The following NPNT variants were observed in gnomAD, a reference collection of about 807,000 sequenced individuals.
The protein encoded by NPNT is nephronectin.
NPNT carries 45 observed loss-of-function variants against 68.6 expected under a neutral mutation model. The observed-to-expected ratio is 0.66, with a 90% confidence interval of 0.52 to 0.84. The LOEUF (loss-of-function observed/expected upper bound fraction) is 0.84, where lower values mean the gene tolerates loss of function less well. Among genes scored for constraint, NPNT ranks in the 40% least tolerant of loss-of-function variants. The probability of loss-of-function intolerance (pLI) is 0.00; values close to 1 mark genes in which losing one functional copy is unlikely to be tolerated. For synonymous variants in NPNT, 233 were observed against 253.3 expected (o/e 0.92, Z 0.76); for missense variants, 672 against 714.8 (o/e 0.94, Z 0.68).
chr4:105,960,644 C>G (rs1051165857), intron 10 of NPNT, among the ~76,000 whole-genome samples: 1 of 152,150 alleles, frequency 6.6e-6, no homozygotes, highest in African/African-American at 2.4e-5. Context: ...GCCTCACACA[C>G]AGTACTCTCA....
chr4:105,948,362 T>C (rs903475095), intron 8 of NPNT, among the ~76,000 whole-genome samples: 5 of 152,202 alleles, frequency 3.3e-5, no homozygotes, highest in African/African-American at 1.2e-4. Context: ...TACATGACTT[T>C]GGACTAGTAT....
rs971776441 is a variant in NPNT, at chr4:105,971,247, A to G, written c.*2257A>G. On this transcript the variant is annotated 3_prime_UTR_variant, in exon 12 of 12. Transcript: ENST00000379987. ...CGGCAGACCTTTCCTTCACCTCATCAGTATGATTCAGTTTCTCTTATCAAT... is the reference window on the plus strand; with the variant it reads ...CGGCAGACCTTTCCTTCACCTCATCGGTATGATTCAGTTTCTCTTATCAAT... The G allele has an allele frequency of 1.2e-5, 5 of 423,784 alleles. No homozygotes were observed. The highest frequency in any genetic ancestry group is 1.9e-5 in the Non-Finnish European group (4 of 207,084). The allele number at this position is 423,784 out of a possible 1,614,324, so 26.3% of individuals were successfully genotyped here. A position where few individuals can be genotyped will look rare whatever the true frequency, so the allele number is the denominator to read the frequency against.
intron 2 of NPNT, among the ~76,000 whole-genome samples, chr4:105,900,878 CTCTT>C (rs1011724623): frequency 1.5e-5 from 2 of 129,734 alleles, no homozygotes; most frequent in Non-Finnish European, 3.2e-5. Flanking sequence ...GTGTTCTTGA[CTCTT>C]AAACAGATCT....
chr4:105,913,866 A>G (rs971633651), intron 2 of NPNT, among the ~76,000 whole-genome samples: 12 of 152,128 alleles, frequency 7.9e-5, no homozygotes, highest in African/African-American at 2.9e-4. Context: ...TGGTTGTCTA[A>G]CAGTGTTTGT....
chr4:105,944,563 A>G (rs1487417505), intron 8 of NPNT, among the ~76,000 whole-genome samples: 1 of 152,216 alleles, frequency 6.6e-6, no homozygotes, highest in Non-Finnish European at 1.5e-5. Flanking sequence ...AAGTTCACCA[A>G]TAAAATTTAG....
intron 8 of NPNT, among the ~76,000 whole-genome samples, chr4:105,950,495 C>T (rs1457892066): frequency 9.9e-5 from 15 of 152,024 alleles, no homozygotes; most frequent in Non-Finnish European, 2.2e-4. Flanking sequence ...CTCTTTTACC[C>T]AGACTGGAGT....
In NPNT at chr4:105,898,016, T is replaced by G; in HGVS notation, c.172+15T>G. On this transcript the variant is annotated intron_variant, in intron 2 of 11. Transcript: ENST00000379987. ...ACAGTGTCAGCGTGAGTATCAAGCC[T>G]GGGGACTTCAGTTCCCTGGGAGGTG... The G allele has an allele frequency of 6.4e-7, 1 of 1,557,914 alleles. No homozygotes were observed. Among genetic ancestry groups the G allele is most frequent in the Non-Finnish European group, 8.7e-7 (1 of 1,145,934 alleles).
At chr4:105,944,119 A>C (rs1730192717) in intron 8 of NPNT, among the ~76,000 whole-genome samples, 1 of 152,216 alleles carries the variant, frequency 6.6e-6, no homozygotes, top group Non-Finnish European at 1.5e-5. Flanking sequence ...ATAGTCATGT[A>C]TGTTTTGGAT....
chr4:105,919,083 C>T (rs1205893624), intron 2 of NPNT, among the ~76,000 whole-genome samples: 1 of 152,090 alleles, frequency 6.6e-6, no homozygotes, highest in African/African-American at 2.4e-5. Flanking sequence ...AACAACTACT[C>T]ACAAGTTAAA....
chr4:105,937,225 C>T (rs1729561481), intron 4 of NPNT, 97 bp downstream of exon 4: 1 of 1,252,028 alleles, frequency 8.0e-7, no homozygotes, highest in African/African-American at 1.5e-5. Context: ...CGGGGTTCTC[C>T]TAAACAAGAT....
intron 3 of NPNT, chr4:105,932,710 G>T (rs758306589): frequency 6.5e-7 from 1 of 1,530,344 alleles, no homozygotes; most frequent in African/African-American, 1.4e-5. Context: ...AGGGGTGAGC[G>T]TGCATTGTCC....
Position 105,942,469 on chromosome 4 carries a change from G to A in NPNT, c.926G>A (p.Arg309Lys), listed in dbSNP as rs115427222. Residue 309 changes from arginine to lysine, a missense_variant, in exon 8 of 12, where the codon AGG (arginine) becomes AAG (lysine). Coordinates refer to ENST00000379987, the MANE Select transcript of NPNT (RefSeq NM_001033047.3). ...TPYIPPIITN[R>K]PTSKPTTRPT... ...TATATTCCTCCTATCATTACCAACAGGCCTACTTCTAAGCCAACAACAAGA... is the reference window on the plus strand; with the variant it reads ...TATATTCCTCCTATCATTACCAACAAGCCTACTTCTAAGCCAACAACAAGA... The A allele has an allele frequency of 8.0e-4, 1,296 of 1,613,144 alleles. 14 individuals are homozygous for A. In the African/African-American group the frequency reaches 0.016, roughly 20 times the overall value.
intron 8 of NPNT, 23 bp downstream of exon 8, chr4:105,942,725 C>T: frequency 6.4e-7 from 1 of 1,569,626 alleles, no homozygotes; most frequent in Non-Finnish European, 8.6e-7. Flanking sequence ...AATGTTAGCA[C>T]ATTTTCAATA....
chr4:105,952,792 C>T (rs766346431), intron 8 of NPNT, among the ~76,000 whole-genome samples: 6 of 152,194 alleles, frequency 3.9e-5, no homozygotes, highest in Non-Finnish European at 7.3e-5. Context: ...TCACCCTAGA[C>T]GGTGTTCATG....
intron 3 of NPNT, among the ~76,000 whole-genome samples, chr4:105,928,600 C>T (rs1265045963): frequency 8.3e-5 from 10 of 120,610 alleles, no homozygotes; most frequent in African/African-American, 1.4e-4. Flanking sequence ...GCAACAAGAG[C>T]GAAACTCTGT....
intron 2 of NPNT, among the ~76,000 whole-genome samples, chr4:105,923,652 T>C (rs1224567564): frequency 6.6e-6 from 1 of 152,144 alleles, no homozygotes; most frequent in Non-Finnish European, 1.5e-5. Context: ...GCCACTGTGG[T>C]TGAGTCATGA....
intron 4 of NPNT, 103 bp downstream of exon 4, chr4:105,937,231 A>G (rs1729561911): frequency 1.7e-6 from 2 of 1,149,130 alleles, no homozygotes; most frequent in African/African-American, 1.5e-5. Context: ...TCTCCTAAAC[A>G]AGATGTGTGC....
Position 105,941,134 on chromosome 4 carries a change from T to C in NPNT, c.763+498T>C, listed in dbSNP as rs150194809. Among the ~76,000 whole-genome samples the C allele has an allele frequency of 2.0e-3, 306 of 150,902 alleles. 2 individuals carry two copies. Among genetic ancestry groups the C allele is most frequent in the African/African-American group, 7.3e-3 (301 of 41,058 alleles). On this transcript the variant is annotated intron_variant, in intron 7 of 11. Coordinates refer to ENST00000379987, the MANE Select transcript of NPNT (RefSeq NM_001033047.3). Reference sequence around the variant, plus strand: ...CAGCAGGATTGTTTGAGGGTAGGAGTTCAAGAGCAGCCTGGGCAACATAAT... The same window carrying C: ...CAGCAGGATTGTTTGAGGGTAGGAGCTCAAGAGCAGCCTGGGCAACATAAT...
intron 3 of NPNT, among the ~76,000 whole-genome samples, chr4:105,928,807 A>G (rs1014485427): frequency 6.6e-6 from 1 of 152,042 alleles, no homozygotes; most frequent in Non-Finnish European, 1.5e-5. Flanking sequence ...TATCCCTTAC[A>G]TACTTACTTG....
Sources: gnomAD v4.1 joint callset for allele counts (sites outside exome capture counted in the v4.1 genomes callset) on GRCh38, gnomAD v4.1.1 for gene constraint, MANE v1.5 for transcripts, NCBI Gene and HGNC (gene_info 2026-07-23, HGNC 2026-07-21) for gene names.